RGS7: variants seen among roughly 807,000 people sequenced by gnomAD.
The protein encoded by RGS7 is regulator of G protein signaling 7.
In RGS7, 27 loss-of-function variants were observed where a neutral mutation model predicts 81.1. The ratio of observed to expected loss-of-function variants is 0.33; its 90% CI spans 0.25 to 0.46. RGS7 has a LOEUF of 0.46. Among genes scored for constraint, RGS7 ranks in the 20% least tolerant of loss-of-function variants. RGS7 has a pLI of 1.00. For missense variants in RGS7, 396 were observed against 607.4 expected (o/e 0.65, Z 3.66); for synonymous variants, 208 against 207.7 (o/e 1.00, Z -0.01).
chr1:240,968,817 T>G (rs1173367233), intron 4 of RGS7, among the ~76,000 whole-genome samples: 3 of 152,192 alleles, frequency 2.0e-5, no homozygotes, highest in Non-Finnish European at 4.4e-5. Flanking sequence ...CTGCTGTAGT[T>G]AGCATCTCCT....
At chr1:241,003,187 C>T (rs1201220345) in intron 3 of RGS7, among the ~76,000 whole-genome samples, 2 of 152,102 alleles carry the variant, frequency 1.3e-5, no homozygotes, top group African/African-American at 2.4e-5. Context: ...GCCAGCCGGG[C>T]GCAGTGGCTC....
rs116003374 is a variant in RGS7, at chr1:240,894,412, C to A, written c.386-24293G>T. ...GTTTCTTGTGCTCTCCTACTGAAAC[C>A]CCTCTCATGTGTTCTCTTCTGGGTC... On this transcript the variant is annotated intron_variant, in intron 6 of 18. Transcript: ENST00000440928. Among the ~76,000 whole-genome samples the A allele has an allele frequency of 6.1e-3, 926 of 151,912 alleles. 12 individuals are homozygous for A. Among genetic ancestry groups the A allele is most frequent in the African/African-American group, 0.021 (877 of 41,418 alleles).
At chr1:241,229,708 G>T (rs948303430) in intron 2 of RGS7, among the ~76,000 whole-genome samples, 1 of 152,184 alleles carries the variant, frequency 6.6e-6, no homozygotes, top group Admixed American at 6.5e-5. Context: ...TTTATCATCC[G>T]AAATGAACTT....
intron 2 of RGS7, among the ~76,000 whole-genome samples, chr1:241,245,262 T>C (rs1257013658): frequency 6.6e-6 from 1 of 152,050 alleles, no homozygotes; most frequent in Non-Finnish European, 1.5e-5. Flanking sequence ...TGCTTTCTTA[T>C]GGTTTCGCAC....
chr1:240,941,755 C>T (rs972832985), intron 4 of RGS7, among the ~76,000 whole-genome samples: 1 of 151,620 alleles, frequency 6.6e-6, no homozygotes, highest in Non-Finnish European at 1.5e-5. Flanking sequence ...CCCACTGCTC[C>T]GAAATCTTAG....
chr1:241,060,290 C>T (rs1433744242), intron 3 of RGS7, among the ~76,000 whole-genome samples: 4 of 152,098 alleles, frequency 2.6e-5, no homozygotes, highest in East Asian at 3.9e-4. Flanking sequence ...GAAAACAACA[C>T]GTTAAACAAG....
At chr1:240,917,349 A>G (rs1291004293) in intron 6 of RGS7, among the ~76,000 whole-genome samples, 1 of 152,194 alleles carries the variant, frequency 6.6e-6, no homozygotes, top group African/African-American at 2.4e-5. Context: ...CGTCAAACAA[A>G]ATCTCTTTAT....
intron 3 of RGS7, among the ~76,000 whole-genome samples, chr1:241,066,560 G>A (rs897418004): frequency 2.6e-5 from 4 of 152,126 alleles, no homozygotes; most frequent in African/African-American, 2.4e-5. Context: ...TGTGCTCAAC[G>A]TGTCTTTCTT....
intron 3 of RGS7, among the ~76,000 whole-genome samples, chr1:241,032,822 T>C (rs1048220496): frequency 6.6e-6 from 1 of 152,226 alleles, no homozygotes; most frequent in Non-Finnish European, 1.5e-5. Flanking sequence ...TTTTTGCATG[T>C]TGATTTTGTG....
intron 2 of RGS7, among the ~76,000 whole-genome samples, chr1:241,334,069 A>G (rs1252181913): frequency 6.6e-6 from 1 of 151,584 alleles, no homozygotes; most frequent in Non-Finnish European, 1.5e-5. Flanking sequence ...ATGTATATGT[A>G]TATGTATATA....
At chr1:241,315,101 C>CTTTT (rs2080787765) in intron 2 of RGS7, among the ~76,000 whole-genome samples, 1 of 52,074 alleles carries the variant, frequency 1.9e-5, no homozygotes, top group African/African-American at 7.7e-5. Context: ...TTTTTTTCTT[C>CTTTT]TTCTTCTTTT....
In RGS7 at chr1:240,801,505, CA is replaced by C; in HGVS notation, c.1362del (p.Gly455GlufsTer34). On this transcript the variant is annotated frameshift_variant and splice_region_variant, in exon 17 of 19. Coordinates refer to ENST00000440928, the MANE Select transcript of RGS7 (RefSeq NM_001364886.1). LOFTEE classifies it high-confidence loss of function. The stretch of plus-strand genomic sequence containing the variant: ...GATGTTCTGCGATCCATTGAGTTTC[CA>C]GACTTACGTATGTGGGGTAGGATAG... The part of the protein sequence containing the change: ...YQELLQAKKK[S>X]GNSMDRRTSF... 6.2e-7 allele frequency: 1 copy of C among 1,604,596 alleles called. No homozygotes were observed. The highest frequency in any genetic ancestry group is 8.5e-7 in the Non-Finnish European group (1 of 1,171,884).
intron 3 of RGS7, among the ~76,000 whole-genome samples, chr1:241,065,234 A>G: frequency 7.0e-6 from 1 of 142,026 alleles, no homozygotes; most frequent in East Asian, 2.0e-4. Flanking sequence ...CTTTTAATAT[A>G]TATTAAAAGA....
At chr1:241,204,676 G>A (rs937392579) in intron 2 of RGS7, among the ~76,000 whole-genome samples, 35 of 150,788 alleles carry the variant, frequency 2.3e-4, no homozygotes, top group African/African-American at 8.3e-4. Context: ...GTGTCTTTTT[G>A]TTGTTTCTTT....
chr1:241,108,973 T>C (rs573265967), intron 2 of RGS7, among the ~76,000 whole-genome samples: 39 of 152,244 alleles, frequency 2.6e-4, no homozygotes, highest in African/African-American at 8.7e-4. Flanking sequence ...TTCTCTCTTA[T>C]ACGAACTCCT....
At chr1:240,920,766 C>CA (rs370351517) in intron 6 of RGS7, among the ~76,000 whole-genome samples, 2 of 152,074 alleles carry the variant, frequency 1.3e-5, no homozygotes, top group African/African-American at 4.8e-5. Flanking sequence ...CGTGTATGGG[C>CA]AAAAAACTTG....
chr1:241,068,632 A>G (rs1460988664), intron 3 of RGS7, among the ~76,000 whole-genome samples: 1 of 152,090 alleles, frequency 6.6e-6, no homozygotes, highest in Non-Finnish European at 1.5e-5. Flanking sequence ...CTGAATCCTG[A>G]TCCCTGTCTC....
chr1:241,278,561 A>T (rs1335295100), intron 2 of RGS7, among the ~76,000 whole-genome samples: 1 of 152,160 alleles, frequency 6.6e-6, no homozygotes, highest in Non-Finnish European at 1.5e-5. Flanking sequence ...AGGAGGCTCA[A>T]GGGCAGATCC....
intron 6 of RGS7, among the ~76,000 whole-genome samples, chr1:240,878,226 T>C (rs114182440): frequency 0.016 from 2,472 of 152,312 alleles, 74 homozygotes; most frequent in African/African-American, 0.057. Context: ...CAACTTTTCA[T>C]GTCCTAATGT....
Sources: gnomAD v4.1 joint callset for allele counts (sites outside exome capture counted in the v4.1 genomes callset) on GRCh38, gnomAD v4.1.1 for gene constraint, MANE v1.5 for transcripts, NCBI Gene and HGNC (gene_info 2026-07-23, HGNC 2026-07-21) for gene names.